The following FAM171A1 variants were observed in gnomAD, a reference collection of about 807,000 sequenced individuals.
FAM171A1 encodes protein FAM171A1.
In FAM171A1, 23 loss-of-function variants were observed where a neutral mutation model predicts 74.9. The observed-to-expected ratio is 0.31, with a 90% confidence interval of 0.22 to 0.44. The LOEUF is 0.44. FAM171A1 is among the 20% of genes least tolerant of loss of function. The probability of loss-of-function intolerance (pLI) is 1.00; values close to 1 mark genes in which losing one functional copy is unlikely to be tolerated. For missense variants in FAM171A1, 1,162 were observed against 1,159.2 expected (o/e 1.00, Z -0.03); for synonymous variants, 527 against 505.7 (o/e 1.04, Z -0.57).
intron 1 of FAM171A1, among the ~76,000 whole-genome samples, chr10:15,315,506 C>A (rs1456944200): frequency 6.6e-6 from 1 of 152,226 alleles, no homozygotes; most frequent in Non-Finnish European, 1.5e-5. Flanking sequence ...GTCTCTACTG[C>A]AGAGCGTGCC....
At chr10:15,353,749 T>C (rs1172257454) in intron 1 of FAM171A1, among the ~76,000 whole-genome samples, 1 of 152,106 alleles carries the variant, frequency 6.6e-6, no homozygotes, top group Non-Finnish European at 1.5e-5. Flanking sequence ...GCCACTGTTC[T>C]CTACATGGTA....
At chr10:15,239,368 A>T (rs1285836576) in intron 5 of FAM171A1, among the ~76,000 whole-genome samples, 1 of 151,956 alleles carries the variant, frequency 6.6e-6, no homozygotes, top group African/African-American at 2.4e-5. Context: ...CAATGGTACA[A>T]TCCTGGCTCA....
At chr10:15,341,466 C>T (rs898479466) in intron 1 of FAM171A1, among the ~76,000 whole-genome samples, 2 of 152,236 alleles carry the variant, frequency 1.3e-5, no homozygotes, top group South Asian at 2.1e-4. Flanking sequence ...TTTTCCTCCC[C>T]GCAATTGCTG....
chr10:15,310,941 C>T (rs754702250), intron 1 of FAM171A1, among the ~76,000 whole-genome samples: 8 of 152,126 alleles, frequency 5.3e-5, no homozygotes, highest in Non-Finnish European at 7.3e-5. Flanking sequence ...ACCCCAAGCA[C>T]GTGGGTCTTG....
intron 3 of FAM171A1, among the ~76,000 whole-genome samples, chr10:15,271,228 C>A (rs10796270): frequency 6.6e-6 from 1 of 151,946 alleles, no homozygotes; most frequent in Non-Finnish European, 1.5e-5. Flanking sequence ...ACAAGAACTA[C>A]GTGACACATG....
intron 1 of FAM171A1, 67 bp from the exon 2 acceptor site, chr10:15,284,172 G>A: frequency 1.4e-6 from 2 of 1,433,468 alleles, no homozygotes; most frequent in Non-Finnish European, 9.6e-7. Flanking sequence ...ACTCTGGTAT[G>A]ACTGTGATGG....
chr10:15,363,095 G>A (rs573445937), intron 1 of FAM171A1, among the ~76,000 whole-genome samples: 92 of 152,334 alleles, frequency 6.0e-4, no homozygotes, highest in African/African-American at 2.1e-3. Context: ...AAGTGAGGGT[G>A]TAGAGCAACT....
In FAM171A1 at chr10:15,214,573, G is replaced by A. The variant is rs1402918333; in HGVS notation, c.1015C>T (p.His339Tyr). Residue 339 changes from histidine (H) to tyrosine (Y), a missense_variant, in exon 8 of 8, where the codon CAC (histidine) becomes TAC (tyrosine). Transcript: ENST00000378116. ...RRKCLKPRQH[H>Y]RKLQLPAGLE... ...CCTGCAGGGAGCTGCAGTTTTCTGT[G>A]GTGCTGACGAGGTTTCAAGCACTTC... The A allele has an allele frequency of 3.1e-6, 5 of 1,605,568 alleles. No homozygotes were observed. Among genetic ancestry groups the A allele is most frequent in the Non-Finnish European group, 4.3e-6 (5 of 1,175,410 alleles).
At chr10:15,258,820 T>C (rs1834619884) in intron 3 of FAM171A1, among the ~76,000 whole-genome samples, 1 of 152,210 alleles carries the variant, frequency 6.6e-6, no homozygotes, top group African/African-American at 2.4e-5. Context: ...TTGCAAGTCC[T>C]TCCTTTCTTG....
chr10:15,310,646 G>A (rs865966015), intron 1 of FAM171A1, among the ~76,000 whole-genome samples: 1 of 152,124 alleles, frequency 6.6e-6, no homozygotes, highest in Non-Finnish European at 1.5e-5. Flanking sequence ...AGGATCACTT[G>A]AGGTCTGGAG....
chr10:15,280,869 T>C (rs994323334), intron 2 of FAM171A1, among the ~76,000 whole-genome samples: 3 of 152,206 alleles, frequency 2.0e-5, no homozygotes, highest in Non-Finnish European at 2.9e-5. Flanking sequence ...AGGCTAAATT[T>C]TTTTGTCTAA....
chr10:15,291,213 A>T (rs915143715), intron 1 of FAM171A1, among the ~76,000 whole-genome samples: 12 of 152,260 alleles, frequency 7.9e-5, no homozygotes, highest in South Asian at 2.1e-4. Flanking sequence ...GCTTATTTTT[A>T]AAAAATTCAA....
At chr10:15,310,261 G>A (rs1035170015) in intron 1 of FAM171A1, among the ~76,000 whole-genome samples, 1 of 152,122 alleles carries the variant, frequency 6.6e-6, no homozygotes, top group Non-Finnish European at 1.5e-5. Context: ...TTTTATGTAT[G>A]GGATAATCTA....
At chr10:15,289,117 C>T (rs773869398) in intron 1 of FAM171A1, among the ~76,000 whole-genome samples, 4 of 152,090 alleles carry the variant, frequency 2.6e-5, no homozygotes, top group Admixed American at 6.6e-5. Context: ...CCATCACACC[C>T]GGCCTGATTC....
intron 1 of FAM171A1, among the ~76,000 whole-genome samples, chr10:15,307,765 C>T (rs957594304): frequency 6.6e-6 from 1 of 150,698 alleles, no homozygotes; most frequent in Admixed American, 6.6e-5. Context: ...ATCAACCAAC[C>T]AATAAGTCTT....
At chr10:15,353,182 T>C (rs11599615) in intron 1 of FAM171A1, among the ~76,000 whole-genome samples, 63,876 of 151,934 alleles carry the variant, frequency 0.42, 13,698 homozygotes, top group Non-Finnish European at 0.49. Flanking sequence ...GAGAAGAGGG[T>C]GAGAAGTGAA....
At chr10:15,214,742 T>A in intron 7 of FAM171A1, 141 bp from the exon 8 acceptor site, 5 of 1,023,480 alleles carry the variant, frequency 4.9e-6, no homozygotes, top group Non-Finnish European at 5.4e-6. Flanking sequence ...AAAAGCCTTC[T>A]CACCCCACGC....
At chr10:15,249,176 A>G (rs1834476473) in intron 4 of FAM171A1, among the ~76,000 whole-genome samples, 2 of 146,278 alleles carry the variant, frequency 1.4e-5, no homozygotes, top group South Asian at 4.3e-4. Context: ...AGCTCACTGT[A>G]ACCTCCACCT....
chr10:15,356,758 A>G (rs7909315), intron 1 of FAM171A1, among the ~76,000 whole-genome samples: 21,732 of 151,094 alleles, frequency 0.14, 1,714 homozygotes, highest in African/African-American at 0.22. Flanking sequence ...ATCCCCTGAG[A>G]TCAGGAGCTC....
Sources: gnomAD v4.1 joint callset for allele counts (sites outside exome capture counted in the v4.1 genomes callset) on GRCh38, gnomAD v4.1.1 for gene constraint, MANE v1.5 for transcripts, NCBI Gene and HGNC (gene_info 2026-07-23, HGNC 2026-07-21) for gene names.